CCDC172: variants seen among roughly 807,000 people sequenced by gnomAD.
CCDC172 encodes coiled-coil domain-containing protein 172.
CCDC172 carries 30 observed loss-of-function variants against 38.0 expected under a neutral mutation model. The ratio of observed to expected loss-of-function variants is 0.79; its 90% CI spans 0.59 to 1.07. The LOEUF is 1.07. Ranked by LOEUF, CCDC172 falls within the 50% of genes least tolerant of loss-of-function variation. CCDC172 has a pLI of 0.00. For missense variants in CCDC172, 297 were observed against 290.1 expected (o/e 1.02, Z -0.17); for synonymous variants, 78 against 88.3 (o/e 0.88, Z 0.66).
Position 116,379,439 on chromosome 10 carries a change from A to T in CCDC172, c.*81A>T. On this transcript the variant is annotated 3_prime_UTR_variant, in exon 9 of 9. Coordinates refer to ENST00000333254, the MANE Select transcript of CCDC172 (RefSeq NM_198515.3). ...TCTTTGTGATAGATATATGAATGGTACCCGTTACAACGGATCCTTGTGGGA... is the reference window on the plus strand; with the variant it reads ...TCTTTGTGATAGATATATGAATGGTTCCCGTTACAACGGATCCTTGTGGGA... 3 of 838,510 alleles carry T rather than the reference A, an allele frequency of 3.6e-6. No homozygotes were observed. Among genetic ancestry groups the T allele is most frequent in the East Asian group, 5.5e-5 (2 of 36,394 alleles). The allele number at this position is 838,510 out of a possible 1,614,324, so 51.9% of individuals were successfully genotyped here.
At chr10:116,374,611 TATAAGTA>T (rs1845224098) in intron 7 of CCDC172, among the ~76,000 whole-genome samples, 2 of 151,806 alleles carry the variant, frequency 1.3e-5, no homozygotes, top group Non-Finnish European at 2.9e-5. Flanking sequence ...CTATAGTAAG[TATAAGTA>T]ATAAGTCAAT....
chr10:116,329,567 G>C (rs1449795284), intron 3 of CCDC172, among the ~76,000 whole-genome samples: 1 of 152,120 alleles, frequency 6.6e-6, no homozygotes, highest in African/African-American at 2.4e-5. Flanking sequence ...TGTCACCTTA[G>C]AGCATTATTC....
rs1193405964 is a variant in CCDC172 at position 116,324,559 on chromosome 10, G to C, written c.-120G>C. 2 of 157,612 alleles carry C rather than the reference G, an allele frequency of 1.3e-5. No homozygotes were observed. Among genetic ancestry groups the C allele is most frequent in the East Asian group, 1.9e-4 (1 of 5,290 alleles). The allele number at this position is 157,612 out of a possible 1,614,324, so 9.8% of individuals were successfully genotyped here. A position where few individuals can be genotyped will look rare whatever the true frequency, so the allele number is the denominator to read the frequency against. The stretch of plus-strand genomic sequence containing the variant: ...TATCCCTAAAATGAGAGAGGACTGG[G>C]ATTGAAAGGCTGACTACAGAAATGG... On this transcript the variant is annotated 5_prime_UTR_variant, in exon 1 of 9. Transcript: ENST00000333254.
chr10:116,366,877 C>G (rs142825024), intron 7 of CCDC172, among the ~76,000 whole-genome samples: 2 of 152,210 alleles, frequency 1.3e-5, no homozygotes. Context: ...GATGGTATTT[C>G]ATGATCTCTA....
chr10:116,368,439 C>G (rs991305999), intron 7 of CCDC172, among the ~76,000 whole-genome samples: 4 of 151,828 alleles, frequency 2.6e-5, no homozygotes, highest in Admixed American at 6.6e-5. Context: ...TTTTATTTCT[C>G]CTTTAAAAAA....
intron 3 of CCDC172, among the ~76,000 whole-genome samples, chr10:116,330,678 G>T (rs533042941): frequency 6.6e-6 from 1 of 152,210 alleles, no homozygotes; most frequent in African/African-American, 2.4e-5. Context: ...TATTACAAAA[G>T]ATTGAGTAGA....
chr10:116,366,992 TGAGTA>T (rs1361735641), intron 7 of CCDC172, among the ~76,000 whole-genome samples: 2 of 152,200 alleles, frequency 1.3e-5, no homozygotes, highest in African/African-American at 4.8e-5. Context: ...CTAGATTGTT[TGAGTA>T]ATTTGTCTTT....
At chr10:116,345,319 C>T (rs1844852280) in intron 5 of CCDC172, among the ~76,000 whole-genome samples, 1 of 152,120 alleles carries the variant, frequency 6.6e-6, no homozygotes, top group African/African-American at 2.4e-5. Flanking sequence ...CTTAACTCTT[C>T]ACACCGTATT....
chr10:116,363,444 T>A (rs1419784630), intron 7 of CCDC172, among the ~76,000 whole-genome samples: 1 of 152,202 alleles, frequency 6.6e-6, no homozygotes, highest in Non-Finnish European at 1.5e-5. Flanking sequence ...GAAATTGGAG[T>A]ACTGATAGTA....
chr10:116,374,302 T>A (rs1003540420), intron 7 of CCDC172, among the ~76,000 whole-genome samples: 3 of 152,082 alleles, frequency 2.0e-5, no homozygotes, highest in African/African-American at 7.2e-5. Context: ...GTTTCTGACT[T>A]AAGAAGGAAA....
intron 4 of CCDC172, 129 bp from the exon 5 acceptor site, chr10:116,341,907 C>A: frequency 1.7e-6 from 1 of 596,456 alleles, no homozygotes; most frequent in Non-Finnish European, 2.4e-6. Context: ...AACATTTTTG[C>A]CATAAAACCA....
At chr10:116,345,358 T>C (rs1844852817) in intron 5 of CCDC172, among the ~76,000 whole-genome samples, 1 of 152,156 alleles carries the variant, frequency 6.6e-6, no homozygotes, top group South Asian at 2.1e-4. Context: ...GGCATACACC[T>C]AGACACAAAA....
chr10:116,370,647 C>CT (rs925993134), intron 7 of CCDC172, among the ~76,000 whole-genome samples: 1,737 of 144,016 alleles, frequency 0.012, 12 homozygotes, highest in African/African-American at 0.016. Flanking sequence ...CTAGTCACTC[C>CT]TTTTTTTTTT....
chr10:116,340,729 T>C lies in CCDC172; in HGVS notation c.166-5T>C, dbSNP rs1844781891. 5.6e-6 allele frequency: 8 copies of C among 1,438,016 alleles called. No homozygotes were observed. Among genetic ancestry groups the C allele is most frequent in the Non-Finnish European group, 7.8e-6 (8 of 1,031,828 alleles). The allele number at this position is 1,438,016 out of a possible 1,614,324, so 89.1% of individuals were successfully genotyped here. On this transcript the variant is annotated splice_polypyrimidine_tract_variant and splice_region_variant and intron_variant, in intron 3 of 8. Transcript: ENST00000333254. ...TATTCTGATTTCTGTTTTTGTACTTTGAAGGTTCAACAGTTTTTTGAAAAA... is the reference window on the plus strand; with the variant it reads ...TATTCTGATTTCTGTTTTTGTACTTCGAAGGTTCAACAGTTTTTTGAAAAA...
intron 7 of CCDC172, among the ~76,000 whole-genome samples, chr10:116,360,322 C>G (rs182454169): frequency 2.6e-5 from 4 of 152,158 alleles, no homozygotes; most frequent in Non-Finnish European, 4.4e-5. Context: ...GCTCTCCCCC[C>G]ACTTATGGTT....
chr10:116,346,622 A>G (rs1272672784), intron 5 of CCDC172, among the ~76,000 whole-genome samples: 1 of 151,706 alleles, frequency 6.6e-6, no homozygotes, highest in Non-Finnish European at 1.5e-5. Flanking sequence ...CTAAATGAAT[A>G]TACTTTATGT....
At chr10:116,364,994 A>G (rs959459425) in intron 7 of CCDC172, among the ~76,000 whole-genome samples, 4 of 152,182 alleles carry the variant, frequency 2.6e-5, no homozygotes, top group African/African-American at 9.7e-5. Context: ...TTGGCCTATC[A>G]TAGTCATTAT....
chr10:116,360,636 GAC>G (rs1845051145), intron 7 of CCDC172, among the ~76,000 whole-genome samples: 1 of 152,124 alleles, frequency 6.6e-6, no homozygotes, highest in Non-Finnish European at 1.5e-5. Context: ...GGAGAGGAGT[GAC>G]ACAGTCTGAT....
intron 7 of CCDC172, among the ~76,000 whole-genome samples, chr10:116,375,880 G>T (rs1845238520): frequency 6.6e-6 from 1 of 152,176 alleles, no homozygotes; most frequent in East Asian, 1.9e-4. Context: ...GGAAACAGAT[G>T]CTGGAGAGGA....
Sources: gnomAD v4.1 joint callset for allele counts (sites outside exome capture counted in the v4.1 genomes callset) on GRCh38, gnomAD v4.1.1 for gene constraint, MANE v1.5 for transcripts, NCBI Gene and HGNC (gene_info 2026-07-23, HGNC 2026-07-21) for gene names.